FER: variants seen among roughly 807,000 people sequenced by gnomAD.
FER encodes the protein FER tyrosine kinase.
In FER, 63 loss-of-function variants were observed where a neutral mutation model predicts 111.0. The observed-to-expected ratio is 0.57, with a 90% CI of 0.46 to 0.70. The LOEUF (loss-of-function observed/expected upper bound fraction) is 0.70. Among genes scored for constraint, FER ranks in the 30% least tolerant of loss-of-function variants. FER has a pLI of 0.00. For synonymous variants in FER, 327 were observed against 313.9 expected, an observed-to-expected ratio of 1.04 and a Z score of -0.44; for missense variants, 914 against 954.0, an observed-to-expected ratio of 0.96 and a Z score of 0.55.
intron 3 of FER, chr5:108,820,089 G>A: frequency 3.0e-6 from 3 of 984,984 alleles, no homozygotes; most frequent in Non-Finnish European, 2.4e-6. Flanking sequence ...AGCTAAAGAA[G>A]AGATAAAAAT....
intron 14 of FER, among the ~76,000 whole-genome samples, chr5:109,042,850 T>C (rs1230523704): frequency 2.0e-5 from 3 of 152,130 alleles, no homozygotes; most frequent in Non-Finnish European, 4.4e-5. Flanking sequence ...GAGTTCAGAG[T>C]ACATGTAACA....
chr5:108,929,596 G>A (rs866859250), intron 10 of FER, among the ~76,000 whole-genome samples: 49 of 148,942 alleles, frequency 3.3e-4, no homozygotes, highest in African/African-American at 1.2e-3. Context: ...CAAAGAAGGA[G>A]GTGATTTTTT....
intron 10 of FER, among the ~76,000 whole-genome samples, chr5:108,944,549 A>G (rs544139022): frequency 6.6e-6 from 1 of 152,280 alleles, no homozygotes; most frequent in Admixed American, 6.5e-5. Flanking sequence ...AATTTTTAAA[A>G]GTAGCCATTT....
At chr5:108,913,733 G>C (rs1751876813) in intron 10 of FER, among the ~76,000 whole-genome samples, 4 of 152,130 alleles carry the variant, frequency 2.6e-5, no homozygotes, top group Admixed American at 2.6e-4. Context: ...AATTTATAAT[G>C]ACCCCAGCTA....
intron 17 of FER, among the ~76,000 whole-genome samples, chr5:109,101,048 A>G (rs1160785473): frequency 6.6e-6 from 1 of 151,950 alleles, no homozygotes; most frequent in East Asian, 1.9e-4. Flanking sequence ...GAAAATAAAT[A>G]CTAGTTATTT....
chr5:108,836,950 A>G (rs1259421979), intron 5 of FER, among the ~76,000 whole-genome samples: 1 of 152,078 alleles, frequency 6.6e-6, no homozygotes, highest in South Asian at 2.1e-4. Context: ...AGTTGTATGC[A>G]TATTCACAGT....
At position 109,191,883 on chromosome 5, in the gene FER, G is replaced by A. The variant is rs537921944; in HGVS notation, c.*4308G>A. On this transcript the variant is annotated 3_prime_UTR_variant, in exon 20 of 20. Coordinates refer to ENST00000281092, the MANE Select transcript of FER (RefSeq NM_005246.4). ...TTCATGTACCAAGAATGACCTACTT[G>A]AAGGAGATTTTGCTACACTCTTAGA... The A allele has an allele frequency of 2.0e-5, 3 of 152,148 alleles. No individual in the cohort carries two copies. The East Asian group carries it at 5.8e-4, about 29-fold the overall frequency. The allele number at this position is 152,148 out of a possible 1,614,324, so 9.4% of individuals were successfully genotyped here. A position where few individuals can be genotyped will look rare whatever the true frequency, so the allele number is the denominator to read the frequency against.
intron 10 of FER, among the ~76,000 whole-genome samples, chr5:108,900,081 A>G (rs769219020): frequency 2.0e-5 from 3 of 152,208 alleles, no homozygotes; most frequent in African/African-American, 4.8e-5. Flanking sequence ...GATCTTGCCT[A>G]TTTGCTGAAG....
intron 10 of FER, among the ~76,000 whole-genome samples, chr5:108,909,016 A>G (rs1751184870): frequency 6.6e-6 from 1 of 152,158 alleles, no homozygotes; most frequent in Admixed American, 6.6e-5. Flanking sequence ...GGGCAACAGA[A>G]CCAGACCCTG....
At chr5:109,164,754 A>G (rs4130644) in intron 17 of FER, among the ~76,000 whole-genome samples, 1 of 151,946 alleles carries the variant, frequency 6.6e-6, no homozygotes, top group African/African-American at 2.4e-5. Context: ...AGCATATACT[A>G]AACAGTCTTG....
Position 109,116,426 on chromosome 5 carries a change from C to CAA in FER, c.2048+15921_2048+15922dup, listed in dbSNP as rs199831249. On this transcript the variant is annotated intron_variant, in intron 17 of 19. Transcript: ENST00000281092. ...TGCTCTGTCAGATTATTCCCCCCGC[C>CAA]AAAAAAAAAAAAAAATGAAAAAAAA... 1.8e-3 allele frequency among the ~76,000 whole-genome samples: 226 copies of CAA among 126,926 alleles called. 1 individual carries two copies. The highest frequency in any genetic ancestry group is 5.9e-3 in the African/African-American group (209 of 35,252). The allele number at this position is 126,926 out of a possible 152,430, so 83.3% of individuals were successfully genotyped here. A position where few individuals can be genotyped will look rare whatever the true frequency, so the allele number is the denominator to read the frequency against.
intron 13 of FER, among the ~76,000 whole-genome samples, chr5:109,007,247 G>T (rs1395582408): frequency 2.6e-5 from 4 of 152,156 alleles, no homozygotes; most frequent in Admixed American, 6.5e-5. Context: ...CCCAAAGTAG[G>T]AGACATCAGT....
At chr5:108,875,996 A>AT (rs1765057677) in intron 8 of FER, among the ~76,000 whole-genome samples, 1 of 152,154 alleles carries the variant, frequency 6.6e-6, no homozygotes, top group South Asian at 2.1e-4. Flanking sequence ...TTTCAAGTAC[A>AT]TTTTTTAAAG....
Position 108,778,711 on chromosome 5 carries a change from C to T in FER, c.-60+10473C>T, listed in dbSNP as rs189245186. ...ATTATTCTTTGTACATTTTGGATAA[C>T]GGTCCTTTTTCAGAAATATCTGTTA... On this transcript the variant is annotated intron_variant, in intron 2 of 19. Transcript: ENST00000281092. 1.9e-4 allele frequency among the ~76,000 whole-genome samples: 29 copies of T among 152,104 alleles called. 1 individual carries two copies. The highest frequency in any genetic ancestry group is 5.1e-4 in the African/African-American group (21 of 41,410).
intron 17 of FER, among the ~76,000 whole-genome samples, chr5:109,129,166 GAATA>G (rs1477329875): frequency 6.6e-6 from 1 of 151,966 alleles, no homozygotes; most frequent in Non-Finnish European, 1.5e-5. Flanking sequence ...GGTGGCAGAG[GAATA>G]AAGTCAGATA....
intron 17 of FER, among the ~76,000 whole-genome samples, chr5:109,135,341 A>G (rs1752775790): frequency 6.6e-6 from 1 of 152,210 alleles, no homozygotes; most frequent in Non-Finnish European, 1.5e-5. Flanking sequence ...TGAAGTACAG[A>G]GAGGTTAAGT....
intron 17 of FER, chr5:109,177,368 T>G (rs1757813908): frequency 6.6e-6 from 1 of 151,970 alleles, no homozygotes; most frequent in Non-Finnish European, 1.5e-5. Flanking sequence ...TAAGTGCTAG[T>G]AGTTATTTGT....
At chr5:108,872,002 A>G (rs1486388868) in intron 7 of FER, 91 bp from the exon 8 acceptor site, 6 of 1,280,316 alleles carry the variant, frequency 4.7e-6, no homozygotes, top group Non-Finnish European at 5.3e-6. Flanking sequence ...ATAATTTTGG[A>G]TAAAAACAAA....
chr5:108,848,559 G>C (rs1330167265), intron 5 of FER, among the ~76,000 whole-genome samples: 1 of 151,948 alleles, frequency 6.6e-6, no homozygotes, highest in Admixed American at 6.5e-5. Context: ...TATATACCAT[G>C]TATATAGTAT....
Sources: allele counts gnomAD v4.1 joint callset (sites outside exome capture counted in the v4.1 genomes callset), GRCh38; gene constraint gnomAD v4.1.1; transcripts MANE v1.5; gene names NCBI Gene and HGNC (gene_info 2026-07-23, HGNC 2026-07-21).